The following GRIK1 variants were observed in gnomAD, a reference collection of about 807,000 sequenced individuals.
The protein encoded by GRIK1 is glutamate ionotropic receptor kainate type subunit 1.
A neutral mutation model predicts 105.7 loss-of-function variants in GRIK1; 69 were observed. The ratio of observed to expected loss-of-function variants is 0.65; its 90% confidence interval spans 0.54 to 0.80. The LOEUF (loss-of-function observed/expected upper bound fraction) is 0.80, where lower values mean the gene tolerates loss of function less well. Among genes scored for constraint, GRIK1 ranks in the 30% least tolerant of loss-of-function variants. GRIK1 has a pLI of 0.00. For synonymous variants in GRIK1, 438 were observed against 431.3 expected, an observed-to-expected ratio of 1.02 and a Z score of -0.19; for missense variants, 1,109 against 1,167.3, an observed-to-expected ratio of 0.95 and a Z score of 0.73.
intron 1 of GRIK1, among the ~76,000 whole-genome samples, chr21:29,845,293 T>C (rs2068083605): frequency 1.3e-5 from 2 of 152,208 alleles, no homozygotes; most frequent in African/African-American, 4.8e-5. Flanking sequence ...GCCATATTTA[T>C]GTCTTTTACC....
chr21:29,933,399 T>C (rs2071640702), intron 1 of GRIK1, among the ~76,000 whole-genome samples: 1 of 152,216 alleles, frequency 6.6e-6, no homozygotes, highest in African/African-American at 2.4e-5. Flanking sequence ...CATTAATAGC[T>C]ACGATTCAAA....
intron 5 of GRIK1, among the ~76,000 whole-genome samples, chr21:29,652,020 C>A (rs898378499): frequency 6.6e-6 from 1 of 152,046 alleles, no homozygotes; most frequent in Non-Finnish European, 1.5e-5. Context: ...TTAGATAAGT[C>A]AAGAGGAGGA....
chr21:29,594,401 TC>T (rs2061373664), intron 9 of GRIK1, among the ~76,000 whole-genome samples: 1 of 152,224 alleles, frequency 6.6e-6, no homozygotes, highest in African/African-American at 2.4e-5. Context: ...TCAGTACTGT[TC>T]TACGAACTAG....
At chr21:29,854,657 T>A (rs1044643223) in intron 1 of GRIK1, among the ~76,000 whole-genome samples, 1 of 152,092 alleles carries the variant, frequency 6.6e-6, no homozygotes, top group South Asian at 2.1e-4. Flanking sequence ...TCAGGAAATA[T>A]CATATATAAA....
At chr21:29,565,082 A>G (rs1398889669) in intron 14 of GRIK1, among the ~76,000 whole-genome samples, 1 of 152,220 alleles carries the variant, frequency 6.6e-6, no homozygotes, top group East Asian at 1.9e-4. Context: ...GGAGGGCAGA[A>G]CTTTCTCTCT....
chr21:29,652,655 T>A (rs919948960), intron 5 of GRIK1, among the ~76,000 whole-genome samples: 72 of 152,368 alleles, frequency 4.7e-4, no homozygotes, highest in African/African-American at 1.7e-3. Flanking sequence ...TTTTCTTATA[T>A]GAAAAGACTA....
At chr21:29,789,545 T>C (rs2066354532) in intron 1 of GRIK1, among the ~76,000 whole-genome samples, 1 of 152,192 alleles carries the variant, frequency 6.6e-6, no homozygotes, top group Admixed American at 6.5e-5. Flanking sequence ...CTTACTCCTT[T>C]CTGTAAAAGA....
chr21:29,851,810 A>C (rs1301060562), intron 1 of GRIK1, among the ~76,000 whole-genome samples: 1 of 152,122 alleles, frequency 6.6e-6, no homozygotes, highest in African/African-American at 2.4e-5. Context: ...CTCTAATTGC[A>C]ACATAAATCT....
intron 1 of GRIK1, among the ~76,000 whole-genome samples, chr21:29,806,581 A>G (rs760053825): frequency 2.7e-4 from 41 of 152,126 alleles, no homozygotes; most frequent in Non-Finnish European, 3.4e-4. Context: ...CTAAGGGAGT[A>G]TCATCCATAT....
At chr21:29,779,885 G>A (rs1191414312) in intron 1 of GRIK1, among the ~76,000 whole-genome samples, 1 of 152,108 alleles carries the variant, frequency 6.6e-6, no homozygotes, top group Non-Finnish European at 1.5e-5. Context: ...TTACTTATAT[G>A]ACTGTGACCT....
intron 1 of GRIK1, among the ~76,000 whole-genome samples, chr21:29,820,035 C>T (rs1487803231): frequency 6.6e-6 from 1 of 151,956 alleles, no homozygotes; most frequent in Non-Finnish European, 1.5e-5. Flanking sequence ...GCTGTCTTTT[C>T]CTGGAGCTTT....
At chr21:29,766,846 A>G (rs1032510233) in intron 1 of GRIK1, among the ~76,000 whole-genome samples, 1 of 151,764 alleles carries the variant, frequency 6.6e-6, no homozygotes, top group Non-Finnish European at 1.5e-5. Flanking sequence ...TTGAGGTTAT[A>G]ATGCAGAGTA....
intron 1 of GRIK1, among the ~76,000 whole-genome samples, chr21:29,857,641 G>C (rs998585098): frequency 3.0e-4 from 39 of 131,730 alleles, no homozygotes; most frequent in African/African-American, 1.2e-3. Context: ...GTTATGAAAA[G>C]GGTAACCCTT....
chr21:29,723,538 T>A (rs1031440596), intron 1 of GRIK1, among the ~76,000 whole-genome samples: 8 of 152,184 alleles, frequency 5.3e-5, no homozygotes, highest in Admixed American at 2.6e-4. Flanking sequence ...ATAAACAGAT[T>A]GTCAGGATTT....
intron 1 of GRIK1, among the ~76,000 whole-genome samples, chr21:29,827,375 T>C (rs2067490922): frequency 6.6e-6 from 1 of 152,170 alleles, no homozygotes; most frequent in Non-Finnish European, 1.5e-5. Context: ...TATTTCATAA[T>C]ATTTTTAAAT....
chr21:29,729,746 T>G (rs889948539), intron 1 of GRIK1, among the ~76,000 whole-genome samples: 1 of 152,172 alleles, frequency 6.6e-6, no homozygotes, highest in African/African-American at 2.4e-5. Context: ...TCTGTAACTG[T>G]AGTAGAGAAA....
chr21:29,766,697 C>T (rs1036375731), intron 1 of GRIK1, among the ~76,000 whole-genome samples: 3 of 152,094 alleles, frequency 2.0e-5, no homozygotes, highest in Admixed American at 6.6e-5. Context: ...GAGCATAGTA[C>T]GATATACTTC....
chr21:29,579,773 G>T (rs1391425226), intron 13 of GRIK1, among the ~76,000 whole-genome samples: 2 of 151,948 alleles, frequency 1.3e-5, no homozygotes, highest in Non-Finnish European at 2.9e-5. Flanking sequence ...ATGTACCCAA[G>T]GTAGTGGTAA....
At chr21:29,539,022 A>G (rs1031425808) in intron 16 of GRIK1, among the ~76,000 whole-genome samples, 3 of 152,152 alleles carry the variant, frequency 2.0e-5, no homozygotes, top group African/African-American at 4.8e-5. Context: ...ATAAGTGTTT[A>G]TAGGATTTGA....
Sources: allele counts gnomAD v4.1 joint callset (sites outside exome capture counted in the v4.1 genomes callset), GRCh38; gene constraint gnomAD v4.1.1; transcripts MANE v1.5; gene names NCBI Gene and HGNC (gene_info 2026-07-23, HGNC 2026-07-21).